The following EDIL3 variants were observed in gnomAD, a reference collection of about 807,000 sequenced individuals.
EDIL3 encodes the protein EGF-like repeat and discoidin I-like domain-containing protein 3.
EDIL3 carries 37 observed loss-of-function variants against 67.4 expected under a neutral mutation model. The observed-to-expected ratio is 0.55, with a 90% CI of 0.42 to 0.72. EDIL3 has a LOEUF of 0.72. Ranked by LOEUF, EDIL3 falls within the 30% of genes least tolerant of loss-of-function variation. The pLI is 0.00. For missense variants in EDIL3, 527 were observed against 586.3 expected, an observed-to-expected ratio of 0.90 and a Z score of 1.04; for synonymous variants, 195 against 196.3, an observed-to-expected ratio of 0.99 and a Z score of 0.05.
intron 1 of EDIL3, among the ~76,000 whole-genome samples, chr5:84,292,527 A>C (rs1745944148): frequency 6.6e-6 from 1 of 152,180 alleles, no homozygotes; most frequent in South Asian, 2.1e-4. Flanking sequence ...AACCAACAGC[A>C]ATGATACAAA....
intron 1 of EDIL3, among the ~76,000 whole-genome samples, chr5:84,297,122 C>T (rs554959914): frequency 1.4e-5 from 2 of 141,174 alleles, no homozygotes; most frequent in African/African-American, 5.3e-5. Context: ...GCAAAGCTTG[C>T]AGTGAGCCGA....
intron 3 of EDIL3, among the ~76,000 whole-genome samples, chr5:84,209,222 T>C (rs1316482929): frequency 6.6e-6 from 1 of 150,792 alleles, no homozygotes; most frequent in Non-Finnish European, 1.5e-5. Flanking sequence ...CTGGGGACTG[T>C]TGTGGGGTGG....
intron 2 of EDIL3, among the ~76,000 whole-genome samples, chr5:84,239,907 A>C (rs1744762486): frequency 1.3e-5 from 2 of 152,192 alleles, no homozygotes; most frequent in African/African-American, 4.8e-5. Flanking sequence ...TAGTGTCCAA[A>C]ACTAGTGTCC....
At chr5:84,040,927 T>A (rs1179753014) in intron 9 of EDIL3, among the ~76,000 whole-genome samples, 1 of 151,876 alleles carries the variant, frequency 6.6e-6, no homozygotes, top group African/African-American at 2.4e-5. Context: ...AGCTCAAGAG[T>A]TCGAGACCAG....
chr5:84,365,025 T>C (rs1324481740), intron 1 of EDIL3, among the ~76,000 whole-genome samples: 2 of 152,104 alleles, frequency 1.3e-5, no homozygotes, highest in Non-Finnish European at 2.9e-5. Context: ...TGAGGGGTTG[T>C]TGCTGTTCGC....
intron 1 of EDIL3, among the ~76,000 whole-genome samples, chr5:84,381,682 A>T (rs2112225638): frequency 6.6e-6 from 1 of 152,328 alleles, no homozygotes; most frequent in African/African-American, 2.4e-5. Flanking sequence ...CCATTTGCTT[A>T]AAGACTTCAG....
rs369631716 is a variant in EDIL3, at chr5:84,256,412, G to A, written c.68-2200C>T. Among the ~76,000 whole-genome samples, 10 of 152,314 alleles carry A rather than the reference G, an allele frequency of 6.6e-5. No individual in the cohort carries two copies. In the South Asian group the frequency reaches 2.1e-3, roughly 32 times the overall value. ...ATACATGATCCAAACTGTGGGACCAGTGGAGACTTTTAAGGAGACTCAGTG... is the reference window on the plus strand; with the variant it reads ...ATACATGATCCAAACTGTGGGACCAATGGAGACTTTTAAGGAGACTCAGTG... On this transcript the variant is annotated intron_variant, in intron 1 of 10. Coordinates refer to ENST00000296591, the MANE Select transcript of EDIL3 (RefSeq NM_005711.5).
chr5:84,167,840 GCT>G (rs1748735799), intron 4 of EDIL3, among the ~76,000 whole-genome samples: 1 of 152,066 alleles, frequency 6.6e-6, no homozygotes, highest in Non-Finnish European at 1.5e-5. Flanking sequence ...TAAATTCTCA[GCT>G]CTTTCAACAA....
At position 84,025,100 on chromosome 5, in the gene EDIL3, C is replaced by T. The variant is rs559987871; in HGVS notation, c.1137+35200G>A. 2.0e-5 allele frequency among the ~76,000 whole-genome samples: 3 copies of T among 152,146 alleles called. No individual in the cohort carries two copies. In the East Asian group the frequency reaches 5.8e-4, roughly 29 times the overall value. On this transcript the variant is annotated intron_variant, in intron 9 of 10. Coordinates refer to ENST00000296591, the MANE Select transcript of EDIL3 (RefSeq NM_005711.5). ...TTATGTCCCCACCCTTAAATGTATCCCTTGAAATGAGTTTACCTTGAAGGA... is the reference window on the plus strand; with the variant it reads ...TTATGTCCCCACCCTTAAATGTATCTCTTGAAATGAGTTTACCTTGAAGGA...
intron 1 of EDIL3, among the ~76,000 whole-genome samples, chr5:84,375,036 A>T (rs1747940033): frequency 6.7e-6 from 1 of 149,710 alleles, no homozygotes; most frequent in Non-Finnish European, 1.5e-5. Flanking sequence ...CAATGGCATG[A>T]TCTCGGCTCA....
At chr5:84,264,281 T>C (rs756930105) in intron 1 of EDIL3, among the ~76,000 whole-genome samples, 2 of 152,136 alleles carry the variant, frequency 1.3e-5, no homozygotes, top group Non-Finnish European at 2.9e-5. Context: ...GGAGTTCCCA[T>C]TTGAAGTTTT....
intron 3 of EDIL3, among the ~76,000 whole-genome samples, chr5:84,188,147 T>A (rs1030024216): frequency 1.1e-4 from 16 of 152,156 alleles, no homozygotes; most frequent in African/African-American, 3.8e-4. Context: ...TTTATATACG[T>A]CTGTCTATAA....
intron 6 of EDIL3, among the ~76,000 whole-genome samples, chr5:84,076,275 AAAG>A (rs368036197): frequency 6.6e-6 from 1 of 152,278 alleles, no homozygotes; most frequent in Non-Finnish European, 1.5e-5. Flanking sequence ...TGCAGCTAGA[AAAG>A]AAGAGATGAC....
intron 1 of EDIL3, among the ~76,000 whole-genome samples, chr5:84,352,117 A>G (rs1747373122): frequency 6.6e-6 from 1 of 152,164 alleles, no homozygotes; most frequent in African/African-American, 2.4e-5. Context: ...CATGACTTCT[A>G]TTAAAAAAAT....
chr5:84,269,533 A>G lies in EDIL3; in HGVS notation c.68-15321T>C, dbSNP rs542400300. ...GGCATTGCAGCTGGGACTGTCTCCA[A>G]ATTAATTTATATTAGTGTAAGCAAT... On this transcript the variant is annotated intron_variant, in intron 1 of 10. Coordinates refer to ENST00000296591, the MANE Select transcript of EDIL3 (RefSeq NM_005711.5). Among the ~76,000 whole-genome samples the G allele has an allele frequency of 1.3e-4, 20 of 152,268 alleles. No homozygotes were observed. In the South Asian group the frequency reaches 2.5e-3, roughly 19 times the overall value.
At chr5:84,179,566 A>G (rs1748979492) in intron 4 of EDIL3, among the ~76,000 whole-genome samples, 2 of 152,192 alleles carry the variant, frequency 1.3e-5, no homozygotes, top group South Asian at 4.1e-4. Flanking sequence ...GCTTTGCCTT[A>G]TCGTTCTTAA....
intron 3 of EDIL3, among the ~76,000 whole-genome samples, chr5:84,208,801 G>A (rs1181301576): frequency 6.6e-6 from 1 of 150,698 alleles, no homozygotes; most frequent in Non-Finnish European, 1.5e-5. Context: ...TTCAACCATT[G>A]TGGAAGTCAG....
intron 3 of EDIL3, among the ~76,000 whole-genome samples, chr5:84,211,680 C>T (rs1029872715): frequency 1.3e-5 from 2 of 152,154 alleles, no homozygotes; most frequent in Non-Finnish European, 2.9e-5. Context: ...ACAGCCAACA[C>T]AAACTGAAAG....
intron 9 of EDIL3, among the ~76,000 whole-genome samples, chr5:84,029,780 C>T (rs1204110909): frequency 3.9e-5 from 6 of 152,104 alleles, no homozygotes; most frequent in African/African-American, 1.2e-4. Flanking sequence ...GGGCACTCTA[C>T]TCAAAATGAT....
Sources: gnomAD v4.1 joint callset for allele counts (sites outside exome capture counted in the v4.1 genomes callset) on GRCh38, gnomAD v4.1.1 for gene constraint, MANE v1.5 for transcripts, NCBI Gene and HGNC (gene_info 2026-07-23, HGNC 2026-07-21) for gene names.